The following ZSWIM5 variants were observed in gnomAD, a reference collection of about 807,000 sequenced individuals.
The protein encoded by ZSWIM5 is zinc finger SWIM domain-containing protein 5.
A neutral mutation model predicts 119.6 loss-of-function variants in ZSWIM5; 55 were observed. The ratio of observed to expected loss-of-function variants is 0.46; its 90% CI spans 0.37 to 0.58. The LOEUF (loss-of-function observed/expected upper bound fraction) is 0.58. Ranked by LOEUF, ZSWIM5 falls within the 20% of genes least tolerant of loss-of-function variation. The pLI, the probability that ZSWIM5 is intolerant of heterozygous loss-of-function variation, is 0.00. For synonymous variants in ZSWIM5, 537 were observed against 606.9 expected (o/e 0.88, Z 1.69); for missense variants, 1,193 against 1,512.8 (o/e 0.79, Z 3.51).
At chr1:45,091,745 G>A (rs1009704681) in intron 1 of ZSWIM5, among the ~76,000 whole-genome samples, 12 of 152,044 alleles carry the variant, frequency 7.9e-5, no homozygotes, top group Non-Finnish European at 1.3e-4. Flanking sequence ...TGCTTTATCC[G>A]TTCAATGCTT....
intron 1 of ZSWIM5, among the ~76,000 whole-genome samples, chr1:45,171,362 T>A (rs886345586): frequency 1.3e-5 from 2 of 152,074 alleles, no homozygotes; most frequent in Non-Finnish European, 1.5e-5. Context: ...ATTAATTTTA[T>A]ATTGAAAAAA....
intron 1 of ZSWIM5, among the ~76,000 whole-genome samples, chr1:45,172,861 T>C (rs997256481): frequency 6.6e-6 from 1 of 152,156 alleles, no homozygotes; most frequent in African/African-American, 2.4e-5. Flanking sequence ...GCCTCTTTTC[T>C]TCCTTTGTTA....
intron 1 of ZSWIM5, among the ~76,000 whole-genome samples, chr1:45,097,863 G>A (rs968204380): frequency 1.3e-5 from 2 of 151,928 alleles, no homozygotes; most frequent in Non-Finnish European, 2.9e-5. Context: ...CACCACACCC[G>A]GCTATTGAGT....
intron 1 of ZSWIM5, among the ~76,000 whole-genome samples, chr1:45,091,616 G>A (rs1232953675): frequency 6.6e-6 from 1 of 151,968 alleles, no homozygotes; most frequent in African/African-American, 2.4e-5. Context: ...AAGCCATGAT[G>A]ACACCACTGT....
chr1:45,176,982 T>C (rs1385078530), intron 1 of ZSWIM5, among the ~76,000 whole-genome samples: 1 of 152,094 alleles, frequency 6.6e-6, no homozygotes, highest in Admixed American at 6.6e-5. Flanking sequence ...TACTATCCCT[T>C]CTTCCCATCT....
chr1:45,021,317 T>C (rs912604877), intron 11 of ZSWIM5, among the ~76,000 whole-genome samples: 31 of 152,300 alleles, frequency 2.0e-4, no homozygotes, highest in Middle Eastern at 3.4e-3. Flanking sequence ...GTACCAGAAA[T>C]AATTTTCTTG....
intron 10 of ZSWIM5, among the ~76,000 whole-genome samples, chr1:45,035,473 C>G (rs1644977019): frequency 6.6e-6 from 1 of 152,116 alleles, no homozygotes; most frequent in South Asian, 2.1e-4. Flanking sequence ...AGACAATCAA[C>G]CATGAGTACT....
At chr1:45,044,202 A>G (rs200788369) in intron 5 of ZSWIM5, among the ~76,000 whole-genome samples, 6 of 144,040 alleles carry the variant, frequency 4.2e-5, no homozygotes, top group Admixed American at 7.0e-5. Flanking sequence ...AAAAAAAAAA[A>G]AGAGAGAGAG....
chr1:45,146,710 C>T (rs576727089), intron 1 of ZSWIM5, among the ~76,000 whole-genome samples: 2 of 151,572 alleles, frequency 1.3e-5, no homozygotes, highest in Non-Finnish European at 3.0e-5. Context: ...AAAGTTGTTT[C>T]CAGACTTTAT....
intron 1 of ZSWIM5, among the ~76,000 whole-genome samples, chr1:45,136,316 T>C (rs954112543): frequency 2.0e-5 from 3 of 152,094 alleles, no homozygotes; most frequent in Non-Finnish European, 4.4e-5. Flanking sequence ...TACATCAAAT[T>C]CATAATATAT....
intron 1 of ZSWIM5, among the ~76,000 whole-genome samples, chr1:45,097,158 C>T (rs1006390973): frequency 2.6e-5 from 4 of 152,178 alleles, no homozygotes; most frequent in South Asian, 2.1e-4. Context: ...ACTGAGGACA[C>T]GGGAATTGAC....
intron 7 of ZSWIM5, 25 bp downstream of exon 7, chr1:45,040,367 G>T (rs182088001): frequency 8.2e-6 from 13 of 1,584,422 alleles, no homozygotes; most frequent in South Asian, 1.2e-5. Flanking sequence ...GCCTAAGGGG[G>T]TTAGATGGCT....
At chr1:45,024,168 A>T (rs1644906058) in intron 11 of ZSWIM5, among the ~76,000 whole-genome samples, 1 of 147,408 alleles carries the variant, frequency 6.8e-6, no homozygotes, top group Non-Finnish European at 1.5e-5. Flanking sequence ...TTGTTTTCTT[A>T]ACAGTTTTTC....
intron 8 of ZSWIM5, 26 bp downstream of exon 8, chr1:45,038,910 G>A: frequency 6.2e-7 from 1 of 1,611,816 alleles, no homozygotes; most frequent in South Asian, 1.1e-5. Flanking sequence ...GGGCAGTCTT[G>A]GTTTGCCTCA....
At chr1:45,172,892 T>C (rs1028742519) in intron 1 of ZSWIM5, among the ~76,000 whole-genome samples, 10 of 152,096 alleles carry the variant, frequency 6.6e-5, no homozygotes, top group African/African-American at 2.4e-4. Flanking sequence ...CTGCTAGGCA[T>C]TGTGCTCATG....
intron 7 of ZSWIM5, 68 bp from the exon 8 acceptor site, chr1:45,039,141 C>A: frequency 1.3e-6 from 2 of 1,568,732 alleles, no homozygotes; most frequent in Non-Finnish European, 8.7e-7. Context: ...CTGCCTGGGT[C>A]TTCTTATCAG....
chr1:45,114,197 C>T (rs1280355869), intron 1 of ZSWIM5, among the ~76,000 whole-genome samples: 1 of 152,228 alleles, frequency 6.6e-6, no homozygotes, highest in East Asian at 1.9e-4. Flanking sequence ...TATCCTTCGG[C>T]ATGGAAGGTT....
chr1:45,147,378 A>T (rs1041675153), intron 1 of ZSWIM5, among the ~76,000 whole-genome samples: 1 of 152,174 alleles, frequency 6.6e-6, no homozygotes, highest in Non-Finnish European at 1.5e-5. Flanking sequence ...TTCAAGAGAC[A>T]ATTTTCTATA....
intron 1 of ZSWIM5, among the ~76,000 whole-genome samples, chr1:45,178,852 T>G (rs1214813144): frequency 6.6e-6 from 1 of 152,082 alleles, no homozygotes; most frequent in African/African-American, 2.4e-5. Flanking sequence ...CTCTGCTGTA[T>G]AATCTGGCAT....
Sources: allele counts gnomAD v4.1 joint callset (sites outside exome capture counted in the v4.1 genomes callset), GRCh38; gene constraint gnomAD v4.1.1; transcripts MANE v1.5; gene names NCBI Gene and HGNC (gene_info 2026-07-23, HGNC 2026-07-21).